LARS2: variants seen among roughly 807,000 people sequenced by gnomAD.
The protein encoded by LARS2 is leucine--tRNA ligase, mitochondrial.
Under a neutral mutation model 116.6 loss-of-function variants are expected in LARS2, and 81 were observed. That is an observed-to-expected ratio of 0.69 (90% CI 0.58 to 0.84). The LOEUF (loss-of-function observed/expected upper bound fraction) is 0.84. LARS2 is among the 40% of genes least tolerant of loss of function. The pLI is 0.00. For missense variants in LARS2, 968 were observed against 1,114.5 expected, an observed-to-expected ratio of 0.87 and a Z score of 1.87; for synonymous variants, 396 against 407.2, an observed-to-expected ratio of 0.97 and a Z score of 0.33.
chr3:45,509,120 C>T (rs1179524035), intron 15 of LARS2, among the ~76,000 whole-genome samples: 1 of 152,106 alleles, frequency 6.6e-6, no homozygotes, highest in African/African-American at 2.4e-5. Context: ...AAAGCTGACT[C>T]AGAAATCCAG....
At chr3:45,482,513 CATT>C (rs1371975345) in intron 10 of LARS2, among the ~76,000 whole-genome samples, 1 of 152,216 alleles carries the variant, frequency 6.6e-6, no homozygotes, top group African/African-American at 2.4e-5. Context: ...ACTTCACAAA[CATT>C]AGTGTCACCT....
At chr3:45,405,879 T>C (rs1473470219) in intron 4 of LARS2, among the ~76,000 whole-genome samples, 3 of 151,732 alleles carry the variant, frequency 2.0e-5, no homozygotes, top group Non-Finnish European at 4.4e-5. Context: ...GAGAAGGGGG[T>C]ATAGTGAATC....
At chr3:45,468,904 C>G (rs1405616013) in intron 8 of LARS2, among the ~76,000 whole-genome samples, 1 of 152,160 alleles carries the variant, frequency 6.6e-6, no homozygotes, top group East Asian at 1.9e-4. Flanking sequence ...ACCAGTGACA[C>G]CATTTACATG....
At chr3:45,535,627 T>C (rs1188486543) in intron 20 of LARS2, among the ~76,000 whole-genome samples, 2 of 152,140 alleles carry the variant, frequency 1.3e-5, no homozygotes, top group African/African-American at 4.8e-5. Flanking sequence ...GGTTAGGAGT[T>C]GTGGGTGGTG....
chr3:45,419,738 A>G lies in LARS2; in HGVS notation c.516+9A>G. ...GTTTCAGCTGGGATAGGGTAAGTCA[A>G]CTCTTTTTCCTGAAAGGTCGTCATT... On this transcript the variant is annotated intron_variant, in intron 6 of 21. Transcript: ENST00000645846. 3 of 1,610,252 alleles carry G rather than the reference A, an allele frequency of 1.9e-6. No individual in the cohort carries two copies. Among genetic ancestry groups the G allele is most frequent in the South Asian group, 1.1e-5 (1 of 90,996 alleles).
chr3:45,520,125 C>A, intron 18 of LARS2, 94 bp from the exon 19 acceptor site: 1 of 814,052 alleles, frequency 1.2e-6, no homozygotes, highest in Non-Finnish European at 2.1e-6. Flanking sequence ...GCATCCCATT[C>A]ATTTTCCTTT....
intron 4 of LARS2, 28 bp from the exon 5 acceptor site, chr3:45,417,454 T>C (rs747398266): frequency 6.5e-7 from 1 of 1,530,150 alleles, no homozygotes; most frequent in Admixed American, 1.7e-5. Flanking sequence ...TGATTTGCCA[T>C]GGTTGATGTT....
chr3:45,415,847 CAAAA>C (rs386396517), intron 4 of LARS2, among the ~76,000 whole-genome samples: 4,169 of 90,322 alleles, frequency 0.046, 121 homozygotes, highest in African/African-American at 0.087. Flanking sequence ...GACTCCATCT[CAAAA>C]AAAAAAAAAA....
At chr3:45,390,961 G>A (rs1236951483) in intron 1 of LARS2, among the ~76,000 whole-genome samples, 1 of 152,074 alleles carries the variant, frequency 6.6e-6, no homozygotes, top group East Asian at 1.9e-4. Flanking sequence ...TTTAAAATTC[G>A]ATTTTTAGTG....
intron 20 of LARS2, among the ~76,000 whole-genome samples, chr3:45,530,202 TG>T (rs1244360677): frequency 6.6e-6 from 1 of 152,264 alleles, no homozygotes; most frequent in Non-Finnish European, 1.5e-5. Context: ...TGTTTGTTTT[TG>T]TTTTTTTAAC....
At chr3:45,431,366 T>C (rs1163418317) in intron 6 of LARS2, among the ~76,000 whole-genome samples, 1 of 152,348 alleles carries the variant, frequency 6.6e-6, no homozygotes, top group East Asian at 1.9e-4. Context: ...TTTAAAAAAA[T>C]TATTAACCTA....
chr3:45,422,950 G>A (rs1310532304), intron 6 of LARS2, among the ~76,000 whole-genome samples: 3 of 152,252 alleles, frequency 2.0e-5, no homozygotes, highest in African/African-American at 7.2e-5. Flanking sequence ...GTATTTATTT[G>A]CATAACTCGT....
intron 20 of LARS2, among the ~76,000 whole-genome samples, chr3:45,531,006 T>C (rs916042041): frequency 1.8e-4 from 27 of 152,322 alleles, no homozygotes; most frequent in African/African-American, 6.3e-4. Flanking sequence ...TCCTAGCTCA[T>C]GGTCTGTCTC....
At chr3:45,439,818 T>A (rs1459021978) in intron 6 of LARS2, among the ~76,000 whole-genome samples, 2 of 152,070 alleles carry the variant, frequency 1.3e-5, no homozygotes, top group East Asian at 3.9e-4. Context: ...TGTTCTTAGC[T>A]CCTACTGAAG....
In LARS2 at chr3:45,496,348, T is replaced by G; in HGVS notation, c.1597T>G (p.Tyr533Asp). ...FVDSAWYYFR[Y>D]TDPHNPHSPF... ...TGATTCTGCTTGGTACTACTTCAGA[T>G]ACACTGACCCTCATAATCCACACAG... The change falls in exon 14 of 22, where the codon TAC becomes GAC. Residue 533 changes from tyrosine to aspartate, a missense_variant. By Grantham distance (160) the Tyr-to-Asp change is radical. Coordinates refer to ENST00000645846, the MANE Select transcript of LARS2 (RefSeq NM_015340.4). The G allele has an allele frequency of 6.2e-7, 1 of 1,613,908 alleles. No homozygotes were observed. The highest frequency in any genetic ancestry group is 8.5e-7 in the Non-Finnish European group (1 of 1,179,762).
intron 4 of LARS2, among the ~76,000 whole-genome samples, chr3:45,403,535 C>T (rs563459147): frequency 4.6e-5 from 7 of 152,044 alleles, no homozygotes; most frequent in African/African-American, 7.2e-5. Context: ...AGGCTGGTCT[C>T]GAACTCCTGA....
At chr3:45,462,681 G>A (rs1420064979) in intron 8 of LARS2, among the ~76,000 whole-genome samples, 2 of 152,142 alleles carry the variant, frequency 1.3e-5, no homozygotes, top group Admixed American at 6.5e-5. Flanking sequence ...AGCTGTGCCC[G>A]CACAGTTATC....
At chr3:45,441,097 C>T (rs6782875) in intron 6 of LARS2, among the ~76,000 whole-genome samples, 31,257 of 149,726 alleles carry the variant, frequency 0.21, 3,441 homozygotes, top group Middle Eastern at 0.32. Flanking sequence ...ACAGTCTCGG[C>T]TCACTGCAAC....
At chr3:45,460,877 T>C (rs1347315753) in intron 8 of LARS2, among the ~76,000 whole-genome samples, 2 of 152,030 alleles carry the variant, frequency 1.3e-5, no homozygotes, top group Admixed American at 6.6e-5. Context: ...TAATAAAAAA[T>C]AAAATAAGCC....
Sources: allele counts gnomAD v4.1 joint callset (sites outside exome capture counted in the v4.1 genomes callset), GRCh38; gene constraint gnomAD v4.1.1; transcripts MANE v1.5; gene names NCBI Gene and HGNC (gene_info 2026-07-23, HGNC 2026-07-21).